Variants in ALPK2 observed in about 807,000 individuals in gnomAD.
The protein encoded by ALPK2 is alpha-protein kinase 2.
Under a neutral mutation model 163.1 loss-of-function variants are expected in ALPK2, and 127 were observed. The observed-to-expected ratio is 0.78, with a 90% confidence interval of 0.67 to 0.90. ALPK2 has a LOEUF of 0.90. ALPK2 is among the 40% of genes least tolerant of loss of function. The probability of loss-of-function intolerance (pLI) is 0.00; values close to 1 mark genes in which losing one functional copy is unlikely to be tolerated. For synonymous variants in ALPK2, 953 were observed against 959.1 expected (o/e 0.99, Z 0.12); for missense variants, 2,360 against 2,589.6 (o/e 0.91, Z 1.92).
Position 58,611,693 on chromosome 18 carries a change from T to C in ALPK2, c.105A>G (p.Ile35Met). The C allele has an allele frequency of 6.2e-7, 1 of 1,612,154 alleles. No homozygotes were observed. Among genetic ancestry groups the C allele is most frequent in the Non-Finnish European group, 8.5e-7 (1 of 1,179,180 alleles). Reference protein sequence around the residue: ...EKSDAVLRCIISGQPKPEVTW... With the variant: ...EKSDAVLRCIMSGQPKPEVTW... ...AGCTAGTCTAGTGATGGTTACCAGA[T>C]ATTATGCAGCGAAGCACAGCGTCTG... The change falls in exon 2 of 13, where the codon ATA becomes ATG. Residue 35 changes from isoleucine to methionine, a missense_variant. Coordinates refer to ENST00000361673, the MANE Select transcript of ALPK2 (RefSeq NM_052947.4).
chr18:58,573,216 A>ATATATACGTGTATATATG (rs2051895376), intron 4 of ALPK2, among the ~76,000 whole-genome samples: 1 of 34,588 alleles, frequency 2.9e-5, no homozygotes, highest in Non-Finnish European at 5.6e-5. Flanking sequence ...GTATATATGT[A>ATATATACGTGTATATATG]TATATATGTG....
chr18:58,622,976 C>T (rs1197291130), intron 1 of ALPK2, among the ~76,000 whole-genome samples: 3 of 152,226 alleles, frequency 2.0e-5, no homozygotes, highest in Admixed American at 6.5e-5. Context: ...TCTCACTCCC[C>T]GCCCCCCGAC....
chr18:58,526,158 G>A (rs2051583817), intron 6 of ALPK2, among the ~76,000 whole-genome samples: 1 of 152,126 alleles, frequency 6.6e-6, no homozygotes, highest in African/African-American at 2.4e-5. Context: ...TTTTACCTTA[G>A]GAAATGGCTA....
At chr18:58,616,381 C>T (rs1389294524) in intron 1 of ALPK2, among the ~76,000 whole-genome samples, 1 of 152,134 alleles carries the variant, frequency 6.6e-6, no homozygotes, top group Non-Finnish European at 1.5e-5. Context: ...GGCCCTTATT[C>T]CAAAAGACCC....
intron 4 of ALPK2, among the ~76,000 whole-genome samples, chr18:58,568,516 C>T (rs1437303339): frequency 1.3e-5 from 2 of 152,156 alleles, no homozygotes; most frequent in African/African-American, 4.8e-5. Flanking sequence ...TTCCATAAGG[C>T]ACGCACGCCT....
At chr18:58,591,883 G>A (rs2052016763) in intron 3 of ALPK2, among the ~76,000 whole-genome samples, 1 of 152,206 alleles carries the variant, frequency 6.6e-6, no homozygotes, top group Non-Finnish European at 1.5e-5. Context: ...TAGGGAAAGT[G>A]AGGCTGGCCC....
chr18:58,614,079 A>T (rs569845608), intron 1 of ALPK2, among the ~76,000 whole-genome samples: 3 of 152,198 alleles, frequency 2.0e-5, no homozygotes, highest in Non-Finnish European at 4.4e-5. Flanking sequence ...CCTCAGGGAG[A>T]GTGTGTGCAG....
intron 8 of ALPK2, among the ~76,000 whole-genome samples, chr18:58,521,627 C>CT (rs398033036): frequency 0.041 from 2,268 of 55,326 alleles, 257 homozygotes; most frequent in African/African-American, 0.13. Flanking sequence ...TTCTCTCTCT[C>CT]TTTTTTTTTT....
chr18:58,486,498 A>G (rs1160499189), intron 12 of ALPK2, among the ~76,000 whole-genome samples: 1 of 152,144 alleles, frequency 6.6e-6, no homozygotes, highest in Admixed American at 6.5e-5. Flanking sequence ...ACGCCTGTCC[A>G]GGGGAGGCTT....
rs777827484 is a variant in ALPK2 at position 58,579,542 on chromosome 18, C to A, written c.1234G>T (p.Val412Leu). The A allele has an allele frequency of 1.2e-6, 2 of 1,613,706 alleles. No homozygotes were observed. The highest frequency in any genetic ancestry group is 8.5e-7 in the Non-Finnish European group (1 of 1,180,012). ...GHHSQPQEVG[V>L]RSSRVSKHGP... ...TGCTTGGAGACTCTGCTGCTCCTCACCCCAACTTCTTGGGGTTGTGAGTGA... is the reference window on the plus strand; with the variant it reads ...TGCTTGGAGACTCTGCTGCTCCTCAACCCAACTTCTTGGGGTTGTGAGTGA... The change falls in exon 4 of 13, where the codon GTG becomes TTG. Residue 412 changes from valine (V) to leucine (L), a missense_variant. Physicochemically the swap from Val to Leu is conservative, Grantham distance 32. Transcript: ENST00000361673.
rs574044796 is a variant in ALPK2, at chr18:58,510,810, A to G, written c.6029+4183T>C. ...GCTGAGATGATGGGGTTTTCTAGAT[A>G]TACAATCATGTCATCTGCAAACAGG... is the stretch of plus-strand genomic sequence containing the variant. On this transcript the variant is annotated intron_variant, in intron 10 of 12. Coordinates refer to ENST00000361673, the MANE Select transcript of ALPK2 (RefSeq NM_052947.4). Among the ~76,000 whole-genome samples the G allele has an allele frequency of 3.3e-4, 50 of 152,350 alleles. No individual in the cohort carries two copies. The East Asian group carries it at 8.5e-3, about 26-fold the overall frequency.
chr18:58,575,811 G>A (rs1334444557), intron 4 of ALPK2, among the ~76,000 whole-genome samples: 1 of 152,166 alleles, frequency 6.6e-6, no homozygotes, highest in Non-Finnish European at 1.5e-5. Context: ...ATATTAGCCT[G>A]GGTAGGTACT....
At chr18:58,620,000 T>C (rs887671876) in intron 1 of ALPK2, among the ~76,000 whole-genome samples, 13 of 152,186 alleles carry the variant, frequency 8.5e-5, no homozygotes, top group African/African-American at 3.1e-4. Context: ...AAGAACAAAC[T>C]ATGGATACGG....
In ALPK2 at chr18:58,611,703, C is replaced by T. The variant is rs377038320; in HGVS notation, c.95G>A (p.Arg32His). The T allele has an allele frequency of 2.2e-5, 36 of 1,612,264 alleles. No homozygotes were observed. Among genetic ancestry groups the T allele is most frequent in the Admixed American group, 1.2e-4 (7 of 59,626 alleles). The change falls in exon 2 of 13, where the codon CGC (arginine) becomes CAC (histidine). Residue 32 changes from arginine to histidine, a missense_variant. Physicochemically the swap from Arg to His is conservative, Grantham distance 29 (BLOSUM62 0). Coordinates refer to ENST00000361673, the MANE Select transcript of ALPK2 (RefSeq NM_052947.4). ...GTGATGGTTACCAGATATTATGCAG[C>T]GAAGCACAGCGTCTGACTTCTCAGG... is the stretch of plus-strand genomic sequence containing the variant. ...KVPEKSDAVL[R>H]CIISGQPKPE...
chr18:58,582,269 T>C (rs1282445965), intron 3 of ALPK2, among the ~76,000 whole-genome samples: 1 of 152,206 alleles, frequency 6.6e-6, no homozygotes, highest in African/African-American at 2.4e-5. Context: ...GACGAATTCT[T>C]CAAGAAGGGG....
At chr18:58,510,475 C>G (rs1346870881) in intron 10 of ALPK2, among the ~76,000 whole-genome samples, 2 of 152,116 alleles carry the variant, frequency 1.3e-5, no homozygotes, top group Non-Finnish European at 2.9e-5. Context: ...TTACCTTGGG[C>G]AATATGGCCA....
chr18:58,496,303 C>A lies in ALPK2; in HGVS notation c.6296+1746G>T, dbSNP rs180803194. Among the ~76,000 whole-genome samples, 292 of 152,280 alleles carry A rather than the reference C, an allele frequency of 1.9e-3. 1 individual carries two copies. The highest frequency in any genetic ancestry group is 3.3e-3 in the Non-Finnish European group (227 of 68,026). ...CACTACATCATAATCCCTCCTAATG[C>A]GCTGTCTTCACAAGCCCAAGAACAT... is the stretch of plus-strand genomic sequence containing the variant. On this transcript the variant is annotated intron_variant, in intron 12 of 12. Coordinates refer to ENST00000361673, the MANE Select transcript of ALPK2 (RefSeq NM_052947.4).
chr18:58,567,899 T>C (rs568555078), intron 4 of ALPK2, among the ~76,000 whole-genome samples: 3 of 152,262 alleles, frequency 2.0e-5, no homozygotes, highest in Admixed American at 2.0e-4. Context: ...CAGACCCACT[T>C]TAACAGCAGC....
In ALPK2 at chr18:58,580,506, T is replaced by A; in HGVS notation, c.270A>T (p.Lys90Asn). 6.2e-7 allele frequency: 1 copy of A among 1,614,038 alleles called. No homozygotes were observed. Among genetic ancestry groups the A allele is most frequent in the Non-Finnish European group, 8.5e-7 (1 of 1,179,944 alleles). Residue 90 changes from lysine (K) to asparagine (N), a missense_variant, in exon 4 of 13, where the codon AAA becomes AAT. Physicochemically the swap from Lys to Asn is moderately conservative, Grantham distance 94. Coordinates refer to ENST00000361673, the MANE Select transcript of ALPK2 (RefSeq NM_052947.4). Reference protein sequence around the residue: ...NDAAVYQISAKNSFGMICCSA... With the variant: ...NDAAVYQISANNSFGMICCSA... ...AACAACAGATCATTCCAAAAGAGTT[T>A]TTAGCCGAGATTTGATAGACAGCAG...
Sources: gnomAD v4.1 joint callset for allele counts (sites outside exome capture counted in the v4.1 genomes callset) on GRCh38, gnomAD v4.1.1 for gene constraint, MANE v1.5 for transcripts, NCBI Gene and HGNC (gene_info 2026-07-23, HGNC 2026-07-21) for gene names.